Variants in MDGA2 observed in about 807,000 individuals in gnomAD.
The protein encoded by MDGA2 is MAM domain containing glycosylphosphatidylinositol anchor 2.
MDGA2 carries 40 observed loss-of-function variants against 117.8 expected under a neutral mutation model. That is an observed-to-expected ratio of 0.34 (90% CI 0.26 to 0.44). The LOEUF (loss-of-function observed/expected upper bound fraction) is 0.44, where lower values mean the gene tolerates loss of function less well. Among genes scored for constraint, MDGA2 ranks in the 20% least tolerant of loss-of-function variants. MDGA2 has a pLI of 1.00. For missense variants in MDGA2, 1,123 were observed against 1,250.6 expected, an observed-to-expected ratio of 0.90 and a Z score of 1.54; for synonymous variants, 452 against 439.0, an observed-to-expected ratio of 1.03 and a Z score of -0.37.
chr14:47,241,549 G>T (rs1218603252), intron 2 of MDGA2, among the ~76,000 whole-genome samples: 2 of 151,744 alleles, frequency 1.3e-5, no homozygotes, highest in Non-Finnish European at 2.9e-5. Context: ...CTTTAGCAAA[G>T]GTGTTTTCTT....
At chr14:47,532,605 C>T (rs532526127) in intron 1 of MDGA2, among the ~76,000 whole-genome samples, 8 of 152,282 alleles carry the variant, frequency 5.3e-5, no homozygotes, top group South Asian at 2.1e-4. Context: ...CTTGCACTAT[C>T]ACATTAGAAT....
chr14:47,381,704 A>G, intron 1 of MDGA2, among the ~76,000 whole-genome samples: 1 of 152,216 alleles, frequency 6.6e-6, no homozygotes, highest in Non-Finnish European at 1.5e-5. Context: ...GCTCAACGAA[A>G]TAAAAGAGGA....
At chr14:47,372,937 A>G (rs1219957684) in intron 1 of MDGA2, among the ~76,000 whole-genome samples, 11 of 151,984 alleles carry the variant, frequency 7.2e-5, no homozygotes, top group Admixed American at 7.2e-4. Flanking sequence ...AGGAAAACTC[A>G]TGGTATGTTT....
intron 8 of MDGA2, among the ~76,000 whole-genome samples, chr14:46,986,220 C>A (rs1886854879): frequency 6.6e-6 from 1 of 152,024 alleles, no homozygotes; most frequent in Non-Finnish European, 1.5e-5. Flanking sequence ...CAATTGTTCT[C>A]AATTCAAGAA....
intron 3 of MDGA2, among the ~76,000 whole-genome samples, chr14:47,158,294 T>C (rs1258576604): frequency 6.6e-6 from 1 of 152,054 alleles, no homozygotes; most frequent in Non-Finnish European, 1.5e-5. Context: ...TGTGTAAGTA[T>C]GCTCTACAAT....
At chr14:47,360,535 T>C (rs891953371) in intron 1 of MDGA2, among the ~76,000 whole-genome samples, 8 of 152,062 alleles carry the variant, frequency 5.3e-5, no homozygotes, top group African/African-American at 1.9e-4. Flanking sequence ...AATTTCACTT[T>C]ACATCTGTCA....
At chr14:47,321,842 A>AAT (rs1386050616) in intron 1 of MDGA2, among the ~76,000 whole-genome samples, 2 of 152,140 alleles carry the variant, frequency 1.3e-5, no homozygotes, top group East Asian at 3.8e-4. Flanking sequence ...CTCTCTCCTT[A>AAT]ATAACTACTA....
intron 8 of MDGA2, among the ~76,000 whole-genome samples, chr14:46,997,795 G>T (rs1487065409): frequency 2.0e-5 from 3 of 152,044 alleles, no homozygotes; most frequent in African/African-American, 7.2e-5. Flanking sequence ...TAAAACTGTT[G>T]TATTGTAAAA....
At chr14:47,492,455 CGTGT>C (rs1023442617) in intron 1 of MDGA2, among the ~76,000 whole-genome samples, 3 of 151,576 alleles carry the variant, frequency 2.0e-5, no homozygotes, top group African/African-American at 7.3e-5. Flanking sequence ...ATTTTATATA[CGTGT>C]GTGTGTGTTT....
chr14:47,061,317 C>T lies in MDGA2; in HGVS notation c.1457G>A (p.Cys486Tyr), dbSNP rs1889873087. 5 of 1,613,472 alleles carry T rather than the reference C, an allele frequency of 3.1e-6. No homozygotes were observed. Among genetic ancestry groups the T allele is most frequent in the Admixed American group, 1.7e-5 (1 of 59,926 alleles). ...TCCTCCTCCCTTCAGAGATGCTACA[C>T]ATGTGTACGTCCCAAAATCCGTGAA... ...LKFTDFGTYT[C>Y]VASLKGGGIS... Residue 486 changes from cysteine (C) to tyrosine (Y), a missense_variant, in exon 7 of 17, where the codon TGT (cysteine) becomes TAT (tyrosine). Cys to Tyr is a radical substitution (Grantham distance 194, BLOSUM62 -2). Transcript: ENST00000399232.
At chr14:47,326,298 A>T (rs1229653158) in intron 1 of MDGA2, among the ~76,000 whole-genome samples, 1 of 152,160 alleles carries the variant, frequency 6.6e-6, no homozygotes, top group Non-Finnish European at 1.5e-5. Context: ...GAACTATTCT[A>T]TGCACTTTAC....
intron 1 of MDGA2, among the ~76,000 whole-genome samples, chr14:47,607,105 T>C (rs958163618): frequency 6.6e-6 from 1 of 152,170 alleles, no homozygotes; most frequent in Non-Finnish European, 1.5e-5. Context: ...AAGTTAAGAT[T>C]TGTTATAAGA....
intron 8 of MDGA2, among the ~76,000 whole-genome samples, chr14:47,000,377 T>TTA (rs1162156512): frequency 0.086 from 8,609 of 99,918 alleles, 949 homozygotes; most frequent in African/African-American, 0.26. Flanking sequence ...ATATATATAT[T>TTA]TATATATATA....
At chr14:46,842,844 A>C (rs951368706) in intron 16 of MDGA2, among the ~76,000 whole-genome samples, 1 of 152,260 alleles carries the variant, frequency 6.6e-6, no homozygotes, top group Admixed American at 6.5e-5. Flanking sequence ...AAGAACTGGC[A>C]GCCTGAGGAA....
intron 1 of MDGA2, among the ~76,000 whole-genome samples, chr14:47,518,355 A>G (rs943559260): frequency 1.3e-5 from 2 of 152,204 alleles, no homozygotes; most frequent in Non-Finnish European, 2.9e-5. Flanking sequence ...CTATATAGAG[A>G]TAAATAATTT....
At chr14:47,253,699 G>A (rs973663126) in intron 2 of MDGA2, among the ~76,000 whole-genome samples, 4 of 152,178 alleles carry the variant, frequency 2.6e-5, no homozygotes, top group African/African-American at 9.6e-5. Context: ...TCAGGGATCT[G>A]GAGGATGGTG....
intron 2 of MDGA2, among the ~76,000 whole-genome samples, chr14:47,283,454 AC>A (rs1319242712): frequency 5.9e-5 from 9 of 152,220 alleles, no homozygotes; most frequent in Non-Finnish European, 1.2e-4. Flanking sequence ...TTTGCATGTC[AC>A]CTAGAACATA....
intron 3 of MDGA2, among the ~76,000 whole-genome samples, chr14:47,203,898 C>CT (rs1441039472): frequency 6.6e-6 from 1 of 151,964 alleles, no homozygotes; most frequent in Non-Finnish European, 1.5e-5. Context: ...AGGATACACT[C>CT]TAATTGCAAC....
At chr14:47,069,898 A>C (rs1240783153) in intron 6 of MDGA2, among the ~76,000 whole-genome samples, 1 of 152,214 alleles carries the variant, frequency 6.6e-6, no homozygotes, top group Non-Finnish European at 1.5e-5. Flanking sequence ...AATTTATGTA[A>C]ATTATCTTAA....
Sources: gnomAD v4.1 joint callset for allele counts (sites outside exome capture counted in the v4.1 genomes callset) on GRCh38, gnomAD v4.1.1 for gene constraint, MANE v1.5 for transcripts, NCBI Gene and HGNC (gene_info 2026-07-23, HGNC 2026-07-21) for gene names.